RBFOX1: variants seen among roughly 807,000 people sequenced by gnomAD.
The protein encoded by RBFOX1 is RNA binding protein fox-1 homolog 1.
In RBFOX1, 8 loss-of-function variants were observed where a neutral mutation model predicts 57.7. The observed-to-expected ratio is 0.14, with a 90% CI of 0.08 to 0.25. The LOEUF is 0.25. RBFOX1 is among the 10% of genes least tolerant of loss of function. The pLI is 1.00. For synonymous variants in RBFOX1, 326 were observed against 222.4 expected, an observed-to-expected ratio of 1.47 and a Z score of -4.15; for missense variants, 611 against 548.5, an observed-to-expected ratio of 1.11 and a Z score of -1.14.
chr16:5,619,727 T>A (rs1237103008), intron 3 of RBFOX1, among the ~76,000 whole-genome samples: 5 of 152,166 alleles, frequency 3.3e-5, no homozygotes, highest in African/African-American at 4.8e-5. Flanking sequence ...GCTTGCTGCC[T>A]GACCCATGGT....
chr16:6,984,761 C>G (rs939147420), intron 3 of RBFOX1, among the ~76,000 whole-genome samples: 2 of 152,122 alleles, frequency 1.3e-5, no homozygotes, highest in Admixed American at 6.5e-5. Flanking sequence ...CTGCCTCAGC[C>G]TCCTGAGTAG....
In RBFOX1 at chr16:6,153,033, GTTTTTTTT is replaced by G. The variant is rs59957159; in HGVS notation, c.-127+133050_-127+133057del. On this transcript the variant is annotated intron_variant, in intron 1 of 15. Transcript: ENST00000550418. ...CTTAAAAGGGGCATAGTTATTTTCT[GTTTTTTTT>G]TTTTTTTTGTTAATTTTATGTATTT... 2.3e-5 allele frequency among the ~76,000 whole-genome samples: 3 copies of G among 128,136 alleles called. No individual in the cohort carries two copies. In the East Asian group the frequency reaches 7.0e-4, roughly 30 times the overall value. 84.1% of individuals were successfully genotyped at this position (128,136 alleles called of 152,430 possible). A position where few individuals can be genotyped will look rare whatever the true frequency, so the allele number is the denominator to read the frequency against.
chr16:6,925,000 G>A (rs1023841207), intron 3 of RBFOX1, among the ~76,000 whole-genome samples: 28 of 149,706 alleles, frequency 1.9e-4, no homozygotes, highest in South Asian at 8.6e-4. Context: ...ATCCATGTCC[G>A]TACAAAGGAC....
chr16:7,147,686 G>A (rs1448842222), intron 4 of RBFOX1, among the ~76,000 whole-genome samples: 1 of 152,210 alleles, frequency 6.6e-6, no homozygotes, highest in Non-Finnish European at 1.5e-5. Flanking sequence ...TCCATGTTGT[G>A]TATGGACCAC....
At chr16:7,304,109 C>G in intron 4 of RBFOX1, 1 of 701,470 alleles carries the variant, frequency 1.4e-6, no homozygotes, top group Non-Finnish European at 1.7e-6. Flanking sequence ...AGAGGAACGC[C>G]GGGATCTAGC....
At chr16:7,357,873 C>A (rs1213378420) in intron 4 of RBFOX1, among the ~76,000 whole-genome samples, 1 of 152,196 alleles carries the variant, frequency 6.6e-6, no homozygotes, top group Non-Finnish European at 1.5e-5. Flanking sequence ...GATATTTCTT[C>A]AGTCTAGTTT....
intron 3 of RBFOX1, among the ~76,000 whole-genome samples, chr16:5,825,799 C>T (rs191550694): frequency 1.4e-5 from 2 of 146,020 alleles, no homozygotes; most frequent in East Asian, 2.0e-4. Context: ...AATAATATTC[C>T]TTAATATGAA....
intron 2 of RBFOX1, among the ~76,000 whole-genome samples, chr16:6,490,614 G>C (rs2095610824): frequency 6.6e-6 from 1 of 152,180 alleles, no homozygotes; most frequent in African/African-American, 2.4e-5. Context: ...AGTATGGACT[G>C]CATTTTACCT....
intron 1 of RBFOX1, among the ~76,000 whole-genome samples, chr16:6,229,368 A>G (rs541271238): frequency 9.2e-5 from 14 of 152,326 alleles, no homozygotes; most frequent in Admixed American, 7.8e-4. Context: ...TCCTGCCACT[A>G]GGCTCACAAG....
At chr16:7,395,922 C>G (rs1025105338) in intron 4 of RBFOX1, among the ~76,000 whole-genome samples, 1 of 152,048 alleles carries the variant, frequency 6.6e-6, no homozygotes, top group Admixed American at 6.6e-5. Flanking sequence ...CAGGGTTATC[C>G]AAAATATTGT....
intron 2 of RBFOX1, among the ~76,000 whole-genome samples, chr16:6,329,919 C>T (rs907605774): frequency 1.3e-5 from 2 of 152,142 alleles, no homozygotes; most frequent in Admixed American, 6.5e-5. Context: ...GCCTGGGTGA[C>T]AGAAGTGAGA....
intron 3 of RBFOX1, among the ~76,000 whole-genome samples, chr16:5,809,637 A>G (rs1006263021): frequency 1.3e-5 from 2 of 152,232 alleles, no homozygotes; most frequent in Non-Finnish European, 2.9e-5. Flanking sequence ...ACCATCTCAC[A>G]CCAGTTTGAA....
At chr16:5,471,565 G>C (rs2069136342) in intron 2 of RBFOX1, among the ~76,000 whole-genome samples, 1 of 152,110 alleles carries the variant, frequency 6.6e-6, no homozygotes, top group African/African-American at 2.4e-5. Flanking sequence ...GCATGTAGGT[G>C]CCCACCCCCG....
chr16:6,353,300 C>G (rs1186302520), intron 2 of RBFOX1, among the ~76,000 whole-genome samples: 1 of 151,986 alleles, frequency 6.6e-6, no homozygotes. Context: ...TTCCAATAAA[C>G]TCCTTTAGCT....
chr16:7,140,266 CTTTTTT>C (rs35683605), intron 4 of RBFOX1, among the ~76,000 whole-genome samples: 21 of 48,794 alleles, frequency 4.3e-4, no homozygotes, highest in East Asian at 8.3e-4. Context: ...TTTTAAATGG[CTTTTTT>C]TTTTTTTTTT....
intron 4 of RBFOX1, among the ~76,000 whole-genome samples, chr16:7,179,206 A>T (rs539894712): frequency 6.7e-6 from 1 of 150,008 alleles, no homozygotes; most frequent in Admixed American, 6.7e-5. Context: ...TCTATATGGA[A>T]GGATGCTTAA....
At chr16:5,785,584 A>G (rs1457766515) in intron 3 of RBFOX1, among the ~76,000 whole-genome samples, 3 of 151,506 alleles carry the variant, frequency 2.0e-5, no homozygotes, top group African/African-American at 4.9e-5. Flanking sequence ...CTGGAGTGCA[A>G]TGGCATGATC....
chr16:5,486,271 C>G (rs1334106343), intron 2 of RBFOX1, among the ~76,000 whole-genome samples: 1 of 152,194 alleles, frequency 6.6e-6, no homozygotes, highest in Non-Finnish European at 1.5e-5. Context: ...TGTCCTGAAA[C>G]TACCCGTGAA....
At position 5,254,735 on chromosome 16, in the gene RBFOX1, C is replaced by T. The variant is rs1052211465; in HGVS notation, c.219+14630C>T. ...GTTTAGTGAGGGCTGGATTGAAGGACAGTGTTGGAAAAGGCTGTGTGATGA... is the reference window on the plus strand; with the variant it reads ...GTTTAGTGAGGGCTGGATTGAAGGATAGTGTTGGAAAAGGCTGTGTGATGA... On this transcript the variant is annotated intron_variant, in intron 1 of 2. Coordinates refer to the RBFOX1 transcript ENST00000585867. Among the ~76,000 whole-genome samples, 3 of 152,226 alleles carry T rather than the reference C, an allele frequency of 2.0e-5. 1 individual carries two copies. The highest frequency in any genetic ancestry group is 2.1e-4 in the South Asian group (1 of 4,818).
Sources: gnomAD v4.1 joint callset for allele counts (sites outside exome capture counted in the v4.1 genomes callset) on GRCh38, gnomAD v4.1.1 for gene constraint, MANE v1.5 for transcripts, NCBI Gene and HGNC (gene_info 2026-07-23, HGNC 2026-07-21) for gene names.